Variants in PHF14 observed in about 807,000 individuals in gnomAD.
PHF14 encodes the protein PHD finger protein 14.
PHF14 carries 55 observed loss-of-function variants against 117.9 expected under a neutral mutation model. The observed-to-expected ratio is 0.47, with a 90% CI of 0.38 to 0.58. The LOEUF (loss-of-function observed/expected upper bound fraction) is 0.58, where lower values mean the gene tolerates loss of function less well. PHF14 is among the 20% of genes least tolerant of loss of function. PHF14 has a pLI of 0.00. For missense variants in PHF14, 978 were observed against 1,122.2 expected, an observed-to-expected ratio of 0.87 and a Z score of 1.84; for synonymous variants, 409 against 368.6, an observed-to-expected ratio of 1.11 and a Z score of -1.26.
intron 16 of PHF14, among the ~76,000 whole-genome samples, chr7:11,094,087 G>A (rs2128339511): frequency 6.6e-6 from 1 of 152,114 alleles, no homozygotes; most frequent in Admixed American, 6.5e-5. Context: ...CCACTGTGGT[G>A]GCCGCTCCCC....
Position 10,982,913 on chromosome 7 carries a change from A to G in PHF14, c.654A>G (p.Val218=), listed in dbSNP as rs868619071. The change falls in exon 3 of 18, where the codon GTA becomes GTG. Residue 218 remains valine, a synonymous_variant. Transcript: ENST00000634607. The part of the protein sequence containing the change: ...SEDDNDWRPT[V]VKRKGRSASQ... ...ATGACAATGATTGGCGACCTACTGT[A>G]GTAAAGAGAAAAGGGAGATCTGCGT... The G allele has an allele frequency of 1.2e-6, 2 of 1,612,404 alleles. No homozygotes were observed. The highest frequency in any genetic ancestry group is 3.3e-4 in the Middle Eastern group (2 of 6,062).
intron 4 of PHF14, among the ~76,000 whole-genome samples, chr7:10,992,614 G>C (rs1782502025): frequency 1.3e-5 from 2 of 152,176 alleles, no homozygotes; most frequent in East Asian, 2.0e-4. Flanking sequence ...AGTGAGCCGA[G>C]ATGGTGCCAC....
chr7:11,102,031 C>T (rs1054717867), intron 16 of PHF14, among the ~76,000 whole-genome samples: 29 of 151,856 alleles, frequency 1.9e-4, no homozygotes, highest in African/African-American at 6.5e-4. Flanking sequence ...GTATAACCAG[C>T]ACTGTAACAC....
chr7:11,078,823 G>T (rs1785967435), intron 16 of PHF14, among the ~76,000 whole-genome samples: 1 of 152,024 alleles, frequency 6.6e-6, no homozygotes, highest in Non-Finnish European at 1.5e-5. Flanking sequence ...ACATTTTGTA[G>T]TAGAAAATGT....
intron 3 of PHF14, among the ~76,000 whole-genome samples, chr7:10,986,631 T>G (rs1459568947): frequency 6.6e-6 from 1 of 152,216 alleles, no homozygotes; most frequent in East Asian, 1.9e-4. Flanking sequence ...TTTTTTAAAT[T>G]TAGTGCAGCC....
In PHF14 at chr7:11,085,534, A is replaced by G. The variant is rs138085493; in HGVS notation, c.2654+23449A>G. Among the ~76,000 whole-genome samples, 111 of 152,296 alleles carry G rather than the reference A, an allele frequency of 7.3e-4. 1 individual carries two copies. The highest frequency in any genetic ancestry group is 2.4e-3 in the African/African-American group (98 of 41,564). ...TGTCAGTGGTGAACAATGAATTGCT[A>G]AATTTAATCGTTTTTTAATTTTCTA... On this transcript the variant is annotated intron_variant, in intron 16 of 17. Coordinates refer to ENST00000634607, the MANE Select transcript of PHF14 (RefSeq NM_001007157.2).
chr7:11,096,406 T>C (rs1786869249), intron 16 of PHF14, among the ~76,000 whole-genome samples: 1 of 152,216 alleles, frequency 6.6e-6, no homozygotes, highest in Non-Finnish European at 1.5e-5. Context: ...TCCACAATTA[T>C]TCCTCATCAG....
At chr7:11,027,690 A>G (rs1160271157) in intron 6 of PHF14, among the ~76,000 whole-genome samples, 1 of 149,886 alleles carries the variant, frequency 6.7e-6, no homozygotes. Context: ...CTGATTATTA[A>G]CCTAAAATTA....
intron 4 of PHF14, among the ~76,000 whole-genome samples, chr7:10,992,674 A>G (rs979051760): frequency 6.6e-6 from 1 of 152,050 alleles, no homozygotes; most frequent in Non-Finnish European, 1.5e-5. Context: ...ATTTAAACAA[A>G]CAAACAAAAA....
At chr7:11,125,836 G>A (rs1434293332) in intron 17 of PHF14, among the ~76,000 whole-genome samples, 1 of 151,950 alleles carries the variant, frequency 6.6e-6, no homozygotes, top group Non-Finnish European at 1.5e-5. Flanking sequence ...TTATATTATA[G>A]TGTTATACCT....
At chr7:11,005,683 A>AT (rs1783057067) in intron 4 of PHF14, among the ~76,000 whole-genome samples, 1 of 145,702 alleles carries the variant, frequency 6.9e-6, no homozygotes, top group South Asian at 2.1e-4. Context: ...TAATGTACTT[A>AT]TTTTTTTGTT....
At chr7:11,107,106 C>T (rs1394644580) in intron 16 of PHF14, 1 of 982,748 alleles carries the variant, frequency 1.0e-6, no homozygotes, top group Non-Finnish European at 1.2e-6. Flanking sequence ...GTTTACTCCT[C>T]TAATGAAATT....
chr7:10,994,844 T>C (rs1782577094), intron 4 of PHF14, among the ~76,000 whole-genome samples: 1 of 151,642 alleles, frequency 6.6e-6, no homozygotes, highest in Non-Finnish European at 1.5e-5. Flanking sequence ...ACCCGAAGAG[T>C]GAGCAGCAGC....
chr7:11,143,413 G>A (rs1788454751), intron 17 of PHF14, among the ~76,000 whole-genome samples: 1 of 151,848 alleles, frequency 6.6e-6, no homozygotes, highest in African/African-American at 2.4e-5. Context: ...GAGCCACCAT[G>A]CCCAGCCAAT....
intron 16 of PHF14, among the ~76,000 whole-genome samples, chr7:11,087,555 G>A (rs1786464123): frequency 6.6e-6 from 1 of 152,056 alleles, no homozygotes; most frequent in Non-Finnish European, 1.5e-5. Context: ...CTATGATATT[G>A]GGCCATAATC....
chr7:11,077,196 ATAT>A lies in PHF14; in HGVS notation c.2654+15116_2654+15118del, dbSNP rs1252920499. Among the ~76,000 whole-genome samples, 11 of 152,234 alleles carry A rather than the reference ATAT, an allele frequency of 7.2e-5. No homozygotes were observed. The East Asian group carries it at 1.9e-3, about 27-fold the overall frequency. On this transcript the variant is annotated intron_variant, in intron 16 of 17. Transcript: ENST00000634607. Reference sequence around the variant, plus strand: ...TTTGTCTTGTCTTAAAGATCAACACATATTATTGCTCTAATTATAAATTGAAGA... The same window carrying A: ...TTTGTCTTGTCTTAAAGATCAACACATATTGCTCTAATTATAAATTGAAGA...
intron 17 of PHF14, among the ~76,000 whole-genome samples, chr7:11,120,025 TTTTATC>T (rs1385806782): frequency 4.7e-5 from 7 of 148,108 alleles, no homozygotes; most frequent in African/African-American, 1.5e-4. Flanking sequence ...TATAAGCAGT[TTTTATC>T]TTTAAGTGAT....
chr7:11,087,224 C>T (rs1786447616), intron 16 of PHF14, among the ~76,000 whole-genome samples: 1 of 151,168 alleles, frequency 6.6e-6, no homozygotes, highest in Non-Finnish European at 1.5e-5. Context: ...TGGAGTCTCG[C>T]TCTGTCATCC....
At chr7:11,085,404 G>A (rs909820443) in intron 16 of PHF14, among the ~76,000 whole-genome samples, 2 of 152,140 alleles carry the variant, frequency 1.3e-5, no homozygotes, top group African/African-American at 4.8e-5. Flanking sequence ...ACATGTTGAA[G>A]CTATCATTGA....
Sources: allele counts gnomAD v4.1 joint callset (sites outside exome capture counted in the v4.1 genomes callset), GRCh38; gene constraint gnomAD v4.1.1; transcripts MANE v1.5; gene names NCBI Gene and HGNC (gene_info 2026-07-23, HGNC 2026-07-21).